ROBO1: variants seen among roughly 807,000 people sequenced by gnomAD.
The protein encoded by ROBO1 is roundabout homolog 1.
A neutral mutation model predicts 195.9 loss-of-function variants in ROBO1; 149 were observed. The ratio of observed to expected loss-of-function variants is 0.76; its 90% CI spans 0.67 to 0.87. ROBO1 has a LOEUF of 0.87. Among genes scored for constraint, ROBO1 ranks in the 40% least tolerant of loss-of-function variants. ROBO1 has a pLI of 0.00. For missense variants in ROBO1, 1,933 were observed against 2,068.3 expected, an observed-to-expected ratio of 0.93 and a Z score of 1.27; for synonymous variants, 816 against 733.2, an observed-to-expected ratio of 1.11 and a Z score of -1.82.
intron 5 of ROBO1, among the ~76,000 whole-genome samples, chr3:78,723,060 T>G (rs1280024942): frequency 1.3e-5 from 2 of 152,176 alleles, no homozygotes; most frequent in Non-Finnish European, 2.9e-5. Context: ...ATTACAATTA[T>G]AGGTCACATA....
intron 2 of ROBO1, among the ~76,000 whole-genome samples, chr3:79,498,059 A>T (rs909669327): frequency 5.9e-5 from 9 of 152,176 alleles, no homozygotes; most frequent in Admixed American, 5.9e-4. Flanking sequence ...TCATCTCTCT[A>T]CAATTAGAAT....
At chr3:79,188,617 T>A (rs537487977) in intron 2 of ROBO1, among the ~76,000 whole-genome samples, 2 of 151,864 alleles carry the variant, frequency 1.3e-5, no homozygotes, top group South Asian at 2.1e-4. Context: ...CACTCATTCT[T>A]TTACACTTGG....
At chr3:79,485,180 T>C (rs969097814) in intron 2 of ROBO1, among the ~76,000 whole-genome samples, 4 of 152,186 alleles carry the variant, frequency 2.6e-5, no homozygotes, top group African/African-American at 9.7e-5. Flanking sequence ...TAAATATTTG[T>C]TGAATAAAAA....
At chr3:79,697,837 G>A (rs781075982) in intron 1 of ROBO1, among the ~76,000 whole-genome samples, 14 of 151,170 alleles carry the variant, frequency 9.3e-5, no homozygotes, top group Non-Finnish European at 1.9e-4. Context: ...GCCCAATTTT[G>A]TTCAGTGAGG....
At chr3:79,628,551 G>A (rs1945249747) in intron 1 of ROBO1, among the ~76,000 whole-genome samples, 1 of 152,016 alleles carries the variant, frequency 6.6e-6, no homozygotes, top group Non-Finnish European at 1.5e-5. Flanking sequence ...CCATGGCACA[G>A]GTATACCTAT....
chr3:78,714,815 C>T (rs2081859936), intron 7 of ROBO1: 1 of 260,144 alleles, frequency 3.8e-6, no homozygotes, highest in Non-Finnish European at 7.2e-6. Flanking sequence ...AGATAGTGAC[C>T]ATTAATTAAA....
intron 2 of ROBO1, among the ~76,000 whole-genome samples, chr3:79,153,038 T>C (rs999004747): frequency 4.0e-5 from 6 of 151,754 alleles, no homozygotes; most frequent in Non-Finnish European, 5.9e-5. Context: ...GGACATTCAG[T>C]GGGACACAAT....
intron 1 of ROBO1, among the ~76,000 whole-genome samples, chr3:79,684,107 A>G (rs1179719140): frequency 6.6e-6 from 1 of 152,130 alleles, no homozygotes; most frequent in Non-Finnish European, 1.5e-5. Flanking sequence ...CTTCACCAAT[A>G]CATGTTATGG....
At chr3:78,727,955 C>T (rs775945729) in intron 5 of ROBO1, among the ~76,000 whole-genome samples, 11 of 151,732 alleles carry the variant, frequency 7.2e-5, no homozygotes, top group South Asian at 4.2e-4. Flanking sequence ...TTTTAAAATT[C>T]TATGTATTTA....
intron 2 of ROBO1, among the ~76,000 whole-genome samples, chr3:79,554,881 G>C (rs888654234): frequency 6.6e-6 from 1 of 152,072 alleles, no homozygotes; most frequent in Non-Finnish European, 1.5e-5. Context: ...AAGTAACACA[G>C]AATAAAGGTT....
chr3:78,903,208 G>A (rs1198442274), intron 4 of ROBO1, among the ~76,000 whole-genome samples: 1 of 152,048 alleles, frequency 6.6e-6, no homozygotes, highest in Non-Finnish European at 1.5e-5. Flanking sequence ...TCAAAGAGGT[G>A]CATTTTTAAT....
chr3:79,297,789 A>C (rs1267014756), intron 2 of ROBO1, among the ~76,000 whole-genome samples: 1 of 152,130 alleles, frequency 6.6e-6, no homozygotes, highest in Admixed American at 6.5e-5. Context: ...GATGTCTAAC[A>C]GTATTCTAAT....
chr3:79,375,599 T>A (rs1017584425), intron 2 of ROBO1, among the ~76,000 whole-genome samples: 1 of 152,190 alleles, frequency 6.6e-6, no homozygotes, highest in Non-Finnish European at 1.5e-5. Context: ...CCAGCCAAGG[T>A]TGCATTTCAG....
intron 3 of ROBO1, among the ~76,000 whole-genome samples, chr3:79,105,989 A>G (rs1699841087): frequency 6.6e-6 from 1 of 151,728 alleles, no homozygotes. Context: ...AATTTAAAGT[A>G]AGGTAATGTA....
intron 2 of ROBO1, among the ~76,000 whole-genome samples, chr3:79,447,123 G>A (rs2039286869): frequency 6.6e-6 from 1 of 151,866 alleles, no homozygotes; most frequent in South Asian, 2.1e-4. Context: ...GCCACCATGC[G>A]CGGCCCAAAA....
intron 4 of ROBO1, among the ~76,000 whole-genome samples, chr3:78,795,186 CA>C (rs1377052778): frequency 2.0e-4 from 31 of 152,142 alleles, no homozygotes; most frequent in Non-Finnish European, 4.0e-4. Context: ...TCTCCAACTA[CA>C]AAGTTGATCA....
chr3:79,457,999 A>G (rs1163082856), intron 2 of ROBO1, among the ~76,000 whole-genome samples: 2 of 152,174 alleles, frequency 1.3e-5, no homozygotes, highest in South Asian at 2.1e-4. Flanking sequence ...AAACAACTCA[A>G]TTGAGTTTTC....
At chr3:79,181,248 T>C (rs1254349357) in intron 2 of ROBO1, among the ~76,000 whole-genome samples, 56 of 152,208 alleles carry the variant, frequency 3.7e-4, no homozygotes, top group Non-Finnish European at 4.4e-5. Flanking sequence ...ATCATTTATT[T>C]CTCTGCATTT....
Position 79,522,707 on chromosome 3 carries a change from G to A in ROBO1, c.88+67117C>T, listed in dbSNP as rs535725393. ...GGTGCATATAGTAATGTATCGATAC[G>A]TCATTATTTCTGTTTAAAGATAGCA... On this transcript the variant is annotated intron_variant, in intron 2 of 30. Transcript: ENST00000464233. Among the ~76,000 whole-genome samples, 9 of 152,194 alleles carry A rather than the reference G, an allele frequency of 5.9e-5. No homozygotes were observed. The South Asian group carries it at 6.2e-4, about 11-fold the overall frequency.
Sources: allele counts gnomAD v4.1 joint callset (sites outside exome capture counted in the v4.1 genomes callset), GRCh38; gene constraint gnomAD v4.1.1; transcripts MANE v1.5; gene names NCBI Gene and HGNC (gene_info 2026-07-23, HGNC 2026-07-21).